Variants in PHACTR4 observed in about 807,000 individuals in gnomAD.
The protein encoded by PHACTR4 is protein phosphatase 1, regulatory subunit 124.
In PHACTR4, 51 loss-of-function variants were observed where a neutral mutation model predicts 72.7. The observed-to-expected ratio is 0.70, with a 90% CI of 0.56 to 0.89. The LOEUF (loss-of-function observed/expected upper bound fraction) is 0.89, where lower values mean the gene tolerates loss of function less well. Ranked by LOEUF, PHACTR4 falls within the 40% of genes least tolerant of loss-of-function variation. PHACTR4 has a pLI of 0.00. For missense variants in PHACTR4, 731 were observed against 861.8 expected, an observed-to-expected ratio of 0.85 and a Z score of 1.90; for synonymous variants, 255 against 302.5, an observed-to-expected ratio of 0.84 and a Z score of 1.63.
intron 1 of PHACTR4, among the ~76,000 whole-genome samples, chr1:28,402,561 A>G (rs185224140): frequency 4.7e-4 from 71 of 152,274 alleles, no homozygotes; most frequent in African/African-American, 1.6e-3. Context: ...AGACCAGCCT[A>G]GATAACATAG....
intron 8 of PHACTR4, among the ~76,000 whole-genome samples, chr1:28,479,650 C>T (rs1397662845): frequency 6.6e-6 from 1 of 151,572 alleles, no homozygotes; most frequent in Admixed American, 6.6e-5. Flanking sequence ...CTTTGGGAGG[C>T]CGAGGTGGGT....
rs1384720953 is a variant in PHACTR4, at chr1:28,452,498, T to A, written c.17-6587T>A. Reference sequence around the variant, plus strand: ...CACTCTAGCCTGGGCAAGAGTGAGATGCTGTCTCAAAAATTTTAAAAAGAG... The same window carrying A: ...CACTCTAGCCTGGGCAAGAGTGAGAAGCTGTCTCAAAAATTTTAAAAAGAG... On this transcript the variant is annotated intron_variant, in intron 2 of 13. Coordinates refer to ENST00000373839, the MANE Select transcript of PHACTR4 (RefSeq NM_001048183.3). Among the ~76,000 whole-genome samples the A allele has an allele frequency of 3.4e-5, 5 of 147,330 alleles. No homozygotes were observed. The East Asian group carries it at 1.0e-3, about 30-fold the overall frequency.
intron 2 of PHACTR4, among the ~76,000 whole-genome samples, chr1:28,448,036 T>C (rs1657603640): frequency 6.6e-6 from 1 of 152,212 alleles, no homozygotes; most frequent in African/African-American, 2.4e-5. Flanking sequence ...AGTACAGTAG[T>C]GTAAATACCA....
At chr1:28,424,391 A>C (rs1434746740) in intron 2 of PHACTR4, among the ~76,000 whole-genome samples, 1 of 152,108 alleles carries the variant, frequency 6.6e-6, no homozygotes, top group African/African-American at 2.4e-5. Context: ...TCTGGAGCTC[A>C]AGCAATCTTC....
At chr1:28,371,697 G>A (rs939375394) in intron 1 of PHACTR4, among the ~76,000 whole-genome samples, 2 of 151,840 alleles carry the variant, frequency 1.3e-5, no homozygotes, top group African/African-American at 4.8e-5. Context: ...CTCCTCCTGG[G>A]CTCAAGCCTC....
chr1:28,449,895 A>G (rs564319537), intron 2 of PHACTR4, among the ~76,000 whole-genome samples: 2 of 151,884 alleles, frequency 1.3e-5, no homozygotes, highest in Non-Finnish European at 2.9e-5. Flanking sequence ...AAACAACTAC[A>G]CTTGCACTTA....
At chr1:28,388,859 A>AG (rs1177237461) in intron 1 of PHACTR4, among the ~76,000 whole-genome samples, 1 of 152,120 alleles carries the variant, frequency 6.6e-6, no homozygotes, top group African/African-American at 2.4e-5. Context: ...CAAAAAAAAA[A>AG]TCAACTCAAA....
At chr1:28,423,943 A>T (rs925183706) in intron 2 of PHACTR4, among the ~76,000 whole-genome samples, 60 of 152,202 alleles carry the variant, frequency 3.9e-4, no homozygotes, top group African/African-American at 9.6e-5. Context: ...AAATCTTTTC[A>T]CACATAACAG....
intron 2 of PHACTR4, among the ~76,000 whole-genome samples, chr1:28,428,091 A>G (rs975727313): frequency 3.9e-5 from 6 of 152,256 alleles, no homozygotes; most frequent in African/African-American, 9.6e-5. Flanking sequence ...CGGTTAAATC[A>G]TTGGTTGGAA....
chr1:28,454,311 C>T (rs1259866124), intron 2 of PHACTR4, among the ~76,000 whole-genome samples: 7 of 124,664 alleles, frequency 5.6e-5, no homozygotes, highest in Admixed American at 9.7e-5. Flanking sequence ...GAGTCTCGCT[C>T]TGTCGCCCAG....
chr1:28,435,194 C>T (rs1656553703), intron 2 of PHACTR4, among the ~76,000 whole-genome samples: 1 of 152,174 alleles, frequency 6.6e-6, no homozygotes. Context: ...GAGAGGTTTT[C>T]AGGTACCAGG....
chr1:28,432,303 C>T (rs1223278305), intron 2 of PHACTR4, among the ~76,000 whole-genome samples: 5 of 150,964 alleles, frequency 3.3e-5, no homozygotes, highest in Admixed American at 6.6e-5. Flanking sequence ...AGGCTTAGGT[C>T]GGGTGCAGTG....
At chr1:28,392,299 A>G (rs1282125659) in intron 1 of PHACTR4, among the ~76,000 whole-genome samples, 4 of 152,094 alleles carry the variant, frequency 2.6e-5, no homozygotes, top group Admixed American at 1.3e-4. Context: ...AACTCAGGCT[A>G]TTGCAGGGCT....
At position 28,466,458 on chromosome 1, in the gene PHACTR4, C is replaced by A; in HGVS notation, c.513C>A (p.Pro171=). The A allele has an allele frequency of 1.2e-6, 2 of 1,614,096 alleles. No homozygotes were observed. Among genetic ancestry groups the A allele is most frequent in the Non-Finnish European group, 1.7e-6 (2 of 1,180,024 alleles). Residue 171 remains proline, a synonymous_variant, in exon 6 of 14, where the codon CCC becomes CCA. Transcript: ENST00000373839. ...TACCCAAACCACCTTTACTTCCTCCCAAAAGACCCTTGTCCTCTTCTCATG... is the reference window on the plus strand; with the variant it reads ...TACCCAAACCACCTTTACTTCCTCCAAAAAGACCCTTGTCCTCTTCTCATG... ...ENVPKPPLLP[P]KRPLSSSHEA... is the part of the protein sequence containing the mutation.
intron 1 of PHACTR4, among the ~76,000 whole-genome samples, chr1:28,405,009 A>AT (rs1654219757): frequency 6.6e-6 from 1 of 151,748 alleles, no homozygotes. Context: ...TACCTCTTTT[A>AT]TTTATTATAG....
At chr1:28,407,278 A>G (rs1408242093) in intron 1 of PHACTR4, 132 bp from the exon 2 acceptor site, 1 of 441,538 alleles carries the variant, frequency 2.3e-6, no homozygotes, top group Non-Finnish European at 4.0e-6. Context: ...TCATTTAATA[A>G]GTTGTACATT....
chr1:28,374,672 C>T (rs1426052868), intron 1 of PHACTR4, among the ~76,000 whole-genome samples: 2 of 152,086 alleles, frequency 1.3e-5, no homozygotes, highest in Admixed American at 6.6e-5. Context: ...TCAACAAATA[C>T]GGAAAGTCTG....
chr1:28,468,353 G>C (rs1327653661), intron 6 of PHACTR4, among the ~76,000 whole-genome samples: 1 of 152,194 alleles, frequency 6.6e-6, no homozygotes, highest in Non-Finnish European at 1.5e-5. Flanking sequence ...CACTTTGGGA[G>C]GCAGAGGCGG....
chr1:28,481,667 A>G (rs1323236443), intron 9 of PHACTR4, among the ~76,000 whole-genome samples: 2 of 151,544 alleles, frequency 1.3e-5, no homozygotes, highest in African/African-American at 4.8e-5. Flanking sequence ...GCATGCGCCT[A>G]TAGTCCCAGC....
Sources: allele counts gnomAD v4.1 joint callset (sites outside exome capture counted in the v4.1 genomes callset), GRCh38; gene constraint gnomAD v4.1.1; transcripts MANE v1.5; gene names NCBI Gene and HGNC (gene_info 2026-07-23, HGNC 2026-07-21).